The following IL1RAPL1 variants were observed in gnomAD, a reference collection of about 807,000 sequenced individuals.
The protein encoded by IL1RAPL1 is interleukin-1 receptor accessory protein-like 1.
IL1RAPL1 carries 3 observed loss-of-function variants against 48.4 expected under a neutral mutation model. The observed-to-expected ratio is 0.06, with a 90% CI of 0.03 to 0.16. The LOEUF (loss-of-function observed/expected upper bound fraction) is 0.16. Ranked by LOEUF, IL1RAPL1 falls within the 10% of genes least tolerant of loss-of-function variation. IL1RAPL1 has a pLI of 1.00. For missense variants in IL1RAPL1, 349 were observed against 530.6 expected (o/e 0.66, Z 3.36); for synonymous variants, 185 against 187.7 (o/e 0.99, Z 0.12).
At chrX:28,920,003 A>T (rs1923578759) in intron 2 of IL1RAPL1, among the ~76,000 whole-genome samples, 1 of 112,029 alleles carries the variant, frequency 8.9e-6, no homozygotes, top group Non-Finnish European at 1.9e-5. Context: ...CTAGTCTTAA[A>T]ATGTGAAGAG....
intron 5 of IL1RAPL1, among the ~76,000 whole-genome samples, chrX:29,601,767 G>A (rs963838734): frequency 8.9e-6 from 1 of 112,046 alleles, no homozygotes; most frequent in African/African-American, 3.2e-5. Flanking sequence ...TAAGAAAGAG[G>A]ATGGTGAAGG....
At chrX:29,215,184 C>T (rs1930843232) in intron 2 of IL1RAPL1, among the ~76,000 whole-genome samples, 1 of 109,929 alleles carries the variant, frequency 9.1e-6, no homozygotes, top group African/African-American at 3.3e-5. Context: ...CCCGTCTCTA[C>T]TAAAAATACA....
intron 6 of IL1RAPL1, among the ~76,000 whole-genome samples, chrX:29,763,877 G>A (rs917767439): frequency 9.1e-5 from 10 of 110,137 alleles, no homozygotes; most frequent in African/African-American, 3.0e-4. Context: ...TAAAAATGAA[G>A]AAATATTTAA....
chrX:29,221,871 C>T (rs1390616051), intron 2 of IL1RAPL1, among the ~76,000 whole-genome samples: 1 of 109,713 alleles, frequency 9.1e-6, no homozygotes, highest in Admixed American at 9.8e-5. Flanking sequence ...ATAAGCCAGG[C>T]GTGGTGGCAT....
intron 6 of IL1RAPL1, among the ~76,000 whole-genome samples, chrX:29,854,434 TATG>T (rs1359473290): frequency 9.0e-6 from 1 of 111,527 alleles, no homozygotes; most frequent in Non-Finnish European, 1.9e-5. Flanking sequence ...AAATCATTCA[TATG>T]ATATTTTATT....
At chrX:29,625,482 T>A (rs902854579) in intron 5 of IL1RAPL1, among the ~76,000 whole-genome samples, 1 of 112,073 alleles carries the variant, frequency 8.9e-6, no homozygotes, top group Non-Finnish European at 1.9e-5. Flanking sequence ...AAATACCTCC[T>A]TATTATTGAA....
chrX:28,785,775 A>G (rs935670034), intron 1 of IL1RAPL1, among the ~76,000 whole-genome samples: 1 of 112,190 alleles, frequency 8.9e-6, no homozygotes, highest in Non-Finnish European at 1.9e-5. Flanking sequence ...GGGCCAGTCT[A>G]ATTAAATAGG....
At chrX:29,843,249 G>C (rs1601848463) in intron 6 of IL1RAPL1, among the ~76,000 whole-genome samples, 1 of 112,172 alleles carries the variant, frequency 8.9e-6, no homozygotes, top group East Asian at 2.8e-4. Context: ...CCATTTTAGA[G>C]ATTTAGCTGG....
At chrX:28,693,837 C>T (rs1935203359) in intron 1 of IL1RAPL1, among the ~76,000 whole-genome samples, 2 of 111,523 alleles carry the variant, frequency 1.8e-5, no homozygotes, top group South Asian at 3.8e-4. Flanking sequence ...TCCCTGTGTA[C>T]GGTGCCCGCC....
chrX:28,667,067 A>G (rs1934888581), intron 1 of IL1RAPL1, among the ~76,000 whole-genome samples: 1 of 111,775 alleles, frequency 8.9e-6, no homozygotes, highest in African/African-American at 3.3e-5. Context: ...TTTTAAATTC[A>G]CTTAAGAAAA....
intron 1 of IL1RAPL1, among the ~76,000 whole-genome samples, chrX:28,699,810 T>C (rs945874662): frequency 8.9e-6 from 1 of 112,035 alleles, no homozygotes; most frequent in Non-Finnish European, 1.9e-5. Context: ...GAGTAGCAGA[T>C]GAATACTTAG....
At chrX:29,883,597 C>T (rs112751015) in intron 6 of IL1RAPL1, among the ~76,000 whole-genome samples, 6,924 of 112,068 alleles carry the variant, frequency 0.062, 485 homozygotes, top group African/African-American at 0.21. Context: ...AGGAATCTTA[C>T]GGATTTCCAG....
At chrX:29,773,850 A>C (rs1404940311) in intron 6 of IL1RAPL1, among the ~76,000 whole-genome samples, 1 of 112,020 alleles carries the variant, frequency 8.9e-6, no homozygotes, top group Non-Finnish European at 1.9e-5. Flanking sequence ...AATAATGTCA[A>C]ATAAATATAT....
At chrX:29,267,722 T>C (rs1243379702) in intron 2 of IL1RAPL1, among the ~76,000 whole-genome samples, 1 of 112,295 alleles carries the variant, frequency 8.9e-6, no homozygotes, top group African/African-American at 3.2e-5. Context: ...AAGCTCTGCA[T>C]TAAATCCATG....
chrX:29,164,861 T>A (rs756136409), intron 2 of IL1RAPL1, among the ~76,000 whole-genome samples: 1 of 111,477 alleles, frequency 9.0e-6, no homozygotes, highest in East Asian at 2.8e-4. Flanking sequence ...ACTAACCTCT[T>A]CTATGGGTAT....
At chrX:29,852,485 T>G (rs1025420141) in intron 6 of IL1RAPL1, among the ~76,000 whole-genome samples, 6 of 112,016 alleles carry the variant, frequency 5.4e-5, no homozygotes, top group Non-Finnish European at 1.1e-4. Flanking sequence ...GATCTCTTCT[T>G]CATTCATACC....
intron 6 of IL1RAPL1, among the ~76,000 whole-genome samples, chrX:29,782,462 C>T (rs1377190809): frequency 9.0e-6 from 1 of 111,335 alleles, no homozygotes; most frequent in Non-Finnish European, 1.9e-5. Flanking sequence ...GTATACACTT[C>T]CTCTTTTATA....
chrX:28,971,523 A>G (rs1405585680), intron 2 of IL1RAPL1, among the ~76,000 whole-genome samples: 1 of 112,088 alleles, frequency 8.9e-6, no homozygotes, highest in Non-Finnish European at 1.9e-5. Flanking sequence ...CTCAGGCACC[A>G]TGATATCATT....
chrX:29,187,988 T>A (rs775003232), intron 2 of IL1RAPL1, among the ~76,000 whole-genome samples: 1 of 111,973 alleles, frequency 8.9e-6, no homozygotes, highest in Non-Finnish European at 1.9e-5. Context: ...TAGTGCCAAA[T>A]CTAACCAATT....
Sources: gnomAD v4.1 joint callset for allele counts (sites outside exome capture counted in the v4.1 genomes callset) on GRCh38, gnomAD v4.1.1 for gene constraint, MANE v1.5 for transcripts, NCBI Gene and HGNC (gene_info 2026-07-23, HGNC 2026-07-21) for gene names.